PRKCH: variants seen among roughly 807,000 people sequenced by gnomAD.
The protein encoded by PRKCH is protein kinase C eta type.
A neutral mutation model predicts 82.5 loss-of-function variants in PRKCH; 28 were observed. That is an observed-to-expected ratio of 0.34 (90% CI 0.25 to 0.47). The LOEUF (loss-of-function observed/expected upper bound fraction) is 0.47. Among genes scored for constraint, PRKCH ranks in the 20% least tolerant of loss-of-function variants. The pLI is 1.00. For synonymous variants in PRKCH, 322 were observed against 327.4 expected (o/e 0.98, Z 0.18); for missense variants, 705 against 881.8 (o/e 0.80, Z 2.54).
At chr14:61,403,944 A>G (rs1881802171) in intron 2 of PRKCH, among the ~76,000 whole-genome samples, 1 of 152,226 alleles carries the variant, frequency 6.6e-6, no homozygotes, top group South Asian at 2.1e-4. Flanking sequence ...TAATTGCTCC[A>G]GTGTCTGTTT....
At chr14:61,503,344 A>G (rs185905442) in intron 10 of PRKCH, among the ~76,000 whole-genome samples, 1 of 149,344 alleles carries the variant, frequency 6.7e-6, no homozygotes, top group East Asian at 1.9e-4. Flanking sequence ...TCAGAAGGTT[A>G]AAAAACAACC....
intron 1 of PRKCH, among the ~76,000 whole-genome samples, chr14:61,213,169 A>G (rs1451495940): frequency 6.6e-6 from 1 of 152,086 alleles, no homozygotes; most frequent in Non-Finnish European, 1.5e-5. Context: ...AGTTGTTACG[A>G]ATTTTGGATG....
intron 9 of PRKCH, among the ~76,000 whole-genome samples, chr14:61,477,842 G>A (rs1373334869): frequency 1.3e-5 from 2 of 152,246 alleles, no homozygotes; most frequent in South Asian, 2.1e-4. Context: ...CACCTCCTTC[G>A]ACCCTCTATA....
chr14:61,280,928 C>T lies in PRKCH; in HGVS notation c.-19+93260C>T, dbSNP rs2045257604. 1 of 1,538,764 alleles carries T rather than the reference C, an allele frequency of 6.5e-7. No individual in the cohort carries two copies. Among genetic ancestry groups the T allele is most frequent in the Non-Finnish European group, 8.7e-7 (1 of 1,146,532 alleles). ...GCCGCGGCGCACACCGAGCAGTTAC[C>T]GGTGCCCGGGTCGCCTGTATAGTCG... is the stretch of plus-strand genomic sequence containing the variant. On this transcript the variant is annotated intron_variant, in intron 1 of 3. Coordinates refer to the PRKCH transcript ENST00000555185. This position sits in a 1 kb window ranked among gnomAD's most constrained non-coding sequence, Gnocchi z 5.0.
In PRKCH at chr14:61,457,695, A is replaced by C; in HGVS notation, c.1278+16A>C. Reference sequence around the variant, plus strand: ...TCAGACCCCCGTAAGTATGAATCACATTCACTGCACCAACAGCCTCTTTTC... The same window carrying C: ...TCAGACCCCCGTAAGTATGAATCACCTTCACTGCACCAACAGCCTCTTTTC... On this transcript the variant is annotated intron_variant, in intron 9 of 13. Coordinates refer to ENST00000332981, the MANE Select transcript of PRKCH (RefSeq NM_006255.5). 1 of 1,612,656 alleles carries C rather than the reference A, an allele frequency of 6.2e-7. No homozygotes were observed. Among genetic ancestry groups the C allele is most frequent in the Non-Finnish European group, 8.5e-7 (1 of 1,178,886 alleles).
chr14:61,490,118 T>C (rs1054728238), intron 10 of PRKCH, among the ~76,000 whole-genome samples: 4 of 152,200 alleles, frequency 2.6e-5, no homozygotes, highest in African/African-American at 9.6e-5. Context: ...GTTGGCATGC[T>C]GGGTGCACGG....
chr14:61,444,620 A>ACT (rs1021843217), intron 3 of PRKCH, among the ~76,000 whole-genome samples: 1 of 151,366 alleles, frequency 6.6e-6, no homozygotes, highest in Non-Finnish European at 1.5e-5. Flanking sequence ...TCACCCTCAT[A>ACT]CTCTCTCTCT....
chr14:61,322,780 C>A (rs887762677), intron 1 of PRKCH: 1 of 308,532 alleles, frequency 3.2e-6, no homozygotes, highest in Non-Finnish European at 6.1e-6. Context: ...CTCCAACTTT[C>A]AGCACGAGAG....
At chr14:61,422,595 G>A (rs1882898682) in intron 2 of PRKCH, among the ~76,000 whole-genome samples, 1 of 152,158 alleles carries the variant, frequency 6.6e-6, no homozygotes, top group Non-Finnish European at 1.5e-5. Context: ...GATTCCCCGG[G>A]CACCATCGGG....
At chr14:61,336,642 G>C (rs2045860761) in intron 1 of PRKCH, among the ~76,000 whole-genome samples, 1 of 152,156 alleles carries the variant, frequency 6.6e-6, no homozygotes, top group Admixed American at 6.5e-5. Context: ...GTAATTAAGG[G>C]AAATAATGGT....
chr14:61,306,501 A>G (rs533018615), intron 1 of PRKCH: 2 of 152,342 alleles, frequency 1.3e-5, no homozygotes, highest in East Asian at 1.9e-4. Context: ...CCAGACAGAA[A>G]GCTGAAGAGG....
chr14:61,387,378 A>T (rs939289300), intron 1 of PRKCH, among the ~76,000 whole-genome samples: 2 of 152,224 alleles, frequency 1.3e-5, no homozygotes, highest in Admixed American at 6.5e-5. Flanking sequence ...ACTACATGTG[A>T]GGGAGGAGTA....
At chr14:61,433,311 T>G (rs1883511711) in intron 2 of PRKCH, among the ~76,000 whole-genome samples, 1 of 151,998 alleles carries the variant, frequency 6.6e-6, no homozygotes, top group Non-Finnish European at 1.5e-5. Flanking sequence ...TCCAAAATCA[T>G]GAAACCAGAA....
At chr14:61,365,636 A>T (rs2046288545) in intron 1 of PRKCH, among the ~76,000 whole-genome samples, 1 of 151,978 alleles carries the variant, frequency 6.6e-6, no homozygotes, top group Non-Finnish European at 1.5e-5. Context: ...ATTTTTTTTT[A>T]AACTGCAGGC....
chr14:61,412,209 C>G (rs1227389039), intron 2 of PRKCH, among the ~76,000 whole-genome samples: 1 of 152,104 alleles, frequency 6.6e-6, no homozygotes, highest in Non-Finnish European at 1.5e-5. Context: ...GCAAATCAAC[C>G]AATCAAAACT....
In PRKCH at chr14:61,530,449, G is replaced by A. The variant is rs143305006; in HGVS notation, c.1615G>A (p.Ala539Thr). ...GTACGGGCCTGCAGTAGACTGGTGG[G>A]CAATGGGCGTGTTGCTCTATGAGAT... ...MLYGPAVDWW[A>T]MGVLLYEMLC... The change falls in exon 12 of 14, where the codon GCA becomes ACA. Residue 539 changes from alanine to threonine, a missense_variant. This residue lies in a region of PRKCH where 115 missense variants were observed against 193.8 expected (regional missense o/e 0.59). Transcript: ENST00000332981. The A allele has an allele frequency of 1.3e-5, 21 of 1,609,220 alleles. No individual in the cohort carries two copies. The African/African-American group carries it at 2.0e-4, about 15-fold the overall frequency.
intron 12 of PRKCH, among the ~76,000 whole-genome samples, chr14:61,535,473 T>C (rs1303028169): frequency 6.6e-6 from 1 of 151,996 alleles, no homozygotes; most frequent in African/African-American, 2.4e-5. Context: ...TGAAGAGAAA[T>C]GAGGCTTGAA....
intron 1 of PRKCH, among the ~76,000 whole-genome samples, chr14:61,247,590 G>T (rs556324014): frequency 1.3e-5 from 2 of 151,894 alleles, no homozygotes; most frequent in Admixed American, 6.6e-5. Flanking sequence ...ACAAAATTTA[G>T]CCAGGTATAG....
chr14:61,505,350 C>T (rs536325178), intron 10 of PRKCH, among the ~76,000 whole-genome samples: 8 of 147,666 alleles, frequency 5.4e-5, no homozygotes, highest in East Asian at 2.0e-4. Context: ...TGGTGGAAGC[C>T]GTGAGAGAGC....
Sources: allele counts gnomAD v4.1 joint callset (sites outside exome capture counted in the v4.1 genomes callset), GRCh38; gene constraint gnomAD v4.1.1; regional missense constraint gnomAD v4.1.1; non-coding constraint Gnocchi (gnomAD v3.1); transcripts MANE v1.5; gene names NCBI Gene and HGNC (gene_info 2026-07-23, HGNC 2026-07-21).